Variants in DCC observed in about 807,000 individuals in gnomAD.
DCC encodes the protein DCC netrin 1 receptor, also known as netrin receptor DCC.
DCC carries 58 observed loss-of-function variants against 172.5 expected under a neutral mutation model. The observed-to-expected ratio is 0.34, with a 90% confidence interval of 0.27 to 0.42. The LOEUF is 0.42. Among genes scored for constraint, DCC ranks in the 10% least tolerant of loss-of-function variants. The pLI, the probability that DCC is intolerant of heterozygous loss-of-function variation, is 1.00. For synonymous variants in DCC, 709 were observed against 644.5 expected (o/e 1.10, Z -1.52); for missense variants, 1,740 against 1,791.0 (o/e 0.97, Z 0.51).
At chr18:52,441,900 G>T (rs1037592511) in intron 1 of DCC, among the ~76,000 whole-genome samples, 3 of 152,096 alleles carry the variant, frequency 2.0e-5, no homozygotes, top group Non-Finnish European at 4.4e-5. Context: ...GATGATACAG[G>T]CTTCATCAGA....
intron 1 of DCC, among the ~76,000 whole-genome samples, chr18:52,559,597 C>T (rs1044543251): frequency 6.6e-6 from 1 of 151,906 alleles, no homozygotes; most frequent in Admixed American, 6.6e-5. Flanking sequence ...CAAGGTACTG[C>T]AATATGAAAT....
At chr18:53,214,884 A>G (rs1396234468) in intron 11 of DCC, among the ~76,000 whole-genome samples, 3 of 152,172 alleles carry the variant, frequency 2.0e-5, no homozygotes, top group Non-Finnish European at 2.9e-5. Context: ...CCTTCTATAA[A>G]GGAGTAGTTA....
At chr18:52,947,345 T>A (rs2040564202) in intron 5 of DCC, among the ~76,000 whole-genome samples, 1 of 152,216 alleles carries the variant, frequency 6.6e-6, no homozygotes, top group Non-Finnish European at 1.5e-5. Flanking sequence ...TTTGTACTAG[T>A]CAACTCCTTA....
At chr18:53,293,571 G>C (rs1351986536) in intron 12 of DCC, among the ~76,000 whole-genome samples, 1 of 152,076 alleles carries the variant, frequency 6.6e-6, no homozygotes, top group East Asian at 1.9e-4. Flanking sequence ...TTGTCACCCA[G>C]GTACTAAGCC....
At chr18:53,257,617 T>C (rs2144673307) in intron 12 of DCC, among the ~76,000 whole-genome samples, 2 of 152,346 alleles carry the variant, frequency 1.3e-5, no homozygotes, top group East Asian at 3.9e-4. Context: ...GGTTTGCCAG[T>C]ATTTTATTGA....
chr18:53,427,565 G>A (rs1911055651), intron 21 of DCC, among the ~76,000 whole-genome samples: 1 of 116,930 alleles, frequency 8.6e-6, no homozygotes, highest in Non-Finnish European at 2.1e-5. Flanking sequence ...CCGGGCAAGG[G>A]AGATAGTCAA....
intron 12 of DCC, among the ~76,000 whole-genome samples, chr18:53,283,989 T>C (rs2056905117): frequency 6.6e-6 from 1 of 152,212 alleles, no homozygotes; most frequent in African/African-American, 2.4e-5. Context: ...ATACGTTCCA[T>C]GTATTATCAT....
intron 2 of DCC, among the ~76,000 whole-genome samples, chr18:52,827,444 T>C (rs952804298): frequency 6.6e-6 from 1 of 152,258 alleles, no homozygotes; most frequent in Non-Finnish European, 1.5e-5. Flanking sequence ...AGAGAATTCT[T>C]AAGCAACTTC....
At chr18:52,376,230 C>G (rs1568139433) in intron 1 of DCC, among the ~76,000 whole-genome samples, 1 of 152,126 alleles carries the variant, frequency 6.6e-6, no homozygotes, top group Non-Finnish European at 1.5e-5. Context: ...ATTGGAGGAA[C>G]ACTCTGTACA....
chr18:52,952,119 A>C (rs1961960434), intron 5 of DCC, among the ~76,000 whole-genome samples: 1 of 152,018 alleles, frequency 6.6e-6, no homozygotes, highest in Non-Finnish European at 1.5e-5. Flanking sequence ...CACACTGTTC[A>C]TAAAATGTGA....
chr18:52,973,851 T>C (rs1035893420), intron 5 of DCC, among the ~76,000 whole-genome samples: 2 of 152,176 alleles, frequency 1.3e-5, no homozygotes, highest in Non-Finnish European at 2.9e-5. Context: ...TATCTTTCAT[T>C]TCTATAGGAG....
intron 7 of DCC, among the ~76,000 whole-genome samples, chr18:53,077,394 A>G (rs2042738104): frequency 6.6e-6 from 1 of 152,116 alleles, no homozygotes. Flanking sequence ...GACCAAGCTG[A>G]CCACCTGGTC....
chr18:52,986,875 C>T (rs527468786), intron 5 of DCC, among the ~76,000 whole-genome samples: 19 of 151,412 alleles, frequency 1.3e-4, no homozygotes, highest in Non-Finnish European at 2.5e-4. Flanking sequence ...CATATATATG[C>T]GCAGTGGTGT....
Position 53,391,747 on chromosome 18 carries a change from G to A in DCC, c.2548G>A (p.Val850Ile), listed in dbSNP as rs773873999. 15 of 1,613,976 alleles carry A rather than the reference G, an allele frequency of 9.3e-6. No individual in the cohort carries two copies. Among genetic ancestry groups the A allele is most frequent in the East Asian group, 2.2e-5 (1 of 44,868 alleles). Residue 850 changes from valine (V) to isoleucine (I), a missense_variant, in exon 17 of 29, where the codon GTA becomes ATA. Around this residue, in one of 2 missense-constraint regions of DCC, gnomAD observed 1,732 missense variants for 1,767.4 expected, o/e 0.98. Coordinates refer to ENST00000442544, the MANE Select transcript of DCC (RefSeq NM_005215.4). ...CACCCCCATGCTCCCACCAGTAGGT[G>A]TACAGGCTGTGGCTCTTACCCATGA... ...LSTPMLPPVG[V>I]QAVALTHDAV... is the part of the protein sequence containing the mutation.
chr18:52,848,596 T>C (rs1287638120), intron 2 of DCC, among the ~76,000 whole-genome samples: 1 of 152,208 alleles, frequency 6.6e-6, no homozygotes, highest in Non-Finnish European at 1.5e-5. Context: ...AGTAATGGCT[T>C]TGGAGTTTCG....
At chr18:53,235,981 A>G (rs764277975) in intron 12 of DCC, among the ~76,000 whole-genome samples, 4 of 152,164 alleles carry the variant, frequency 2.6e-5, no homozygotes, top group Non-Finnish European at 4.4e-5. Context: ...GAATGGATAC[A>G]CCAAAGCATC....
intron 7 of DCC, among the ~76,000 whole-genome samples, chr18:53,126,189 A>G (rs1346946450): frequency 6.6e-6 from 1 of 152,148 alleles, no homozygotes; most frequent in East Asian, 1.9e-4. Flanking sequence ...CACAAGCTGG[A>G]GATTTTAAAT....
chr18:52,944,895 T>G (rs960075082), intron 5 of DCC, among the ~76,000 whole-genome samples: 13 of 152,356 alleles, frequency 8.5e-5, no homozygotes, highest in African/African-American at 2.9e-4. Context: ...TCCAAAGTTT[T>G]AGTTGTCTAT....
chr18:52,835,605 A>G (rs566880973), intron 2 of DCC, among the ~76,000 whole-genome samples: 9 of 152,322 alleles, frequency 5.9e-5, no homozygotes, highest in African/African-American at 1.9e-4. Context: ...GCTTCAAAGA[A>G]TCTTCACTTT....
Sources: allele counts gnomAD v4.1 joint callset (sites outside exome capture counted in the v4.1 genomes callset), GRCh38; gene constraint gnomAD v4.1.1; regional missense constraint gnomAD v4.1.1; transcripts MANE v1.5; gene names NCBI Gene and HGNC (gene_info 2026-07-23, HGNC 2026-07-21).